The following ZNF197 variants were observed in gnomAD, a reference collection of about 807,000 sequenced individuals.
The protein encoded by ZNF197 is VHL-associated KRAB-A domain-containing protein.
A neutral mutation model predicts 27.4 loss-of-function variants in ZNF197; 14 were observed. The ratio of observed to expected loss-of-function variants is 0.51; its 90% CI spans 0.34 to 0.80. ZNF197 has a LOEUF of 0.80. Ranked by LOEUF, ZNF197 falls within the 30% of genes least tolerant of loss-of-function variation. The pLI is 0.02. For synonymous variants in ZNF197, 415 were observed against 420.0 expected, an observed-to-expected ratio of 0.99 and a Z score of 0.15; for missense variants, 1,090 against 1,222.6, an observed-to-expected ratio of 0.89 and a Z score of 1.62.
intron 5 of ZNF197, among the ~76,000 whole-genome samples, chr3:44,638,681 C>A (rs1702436812): frequency 6.6e-6 from 1 of 152,042 alleles, no homozygotes; most frequent in Admixed American, 6.6e-5. Flanking sequence ...TTCAGTCTTT[C>A]ACCATGAAAT....
intron 2 of ZNF197, 199 bp from the exon 3 acceptor site, chr3:44,630,863 A>G (rs900917183): frequency 6.8e-6 from 5 of 734,318 alleles, no homozygotes; most frequent in South Asian, 1.5e-5. Flanking sequence ...GGGAGAGGTC[A>G]CCAGTGCCAT....
At position 44,646,319 on chromosome 3, in the gene ZNF197, G is replaced by A. The variant is rs1702951976; in HGVS notation, c.*2099G>A. On this transcript the variant is annotated 3_prime_UTR_variant, in exon 6 of 6. Transcript: ENST00000344387. ...TCCCAGCTTATATAATAATTACAAA[G>A]GACATATGTACTTTAACAATGGAGA... is the stretch of plus-strand genomic sequence containing the variant. The A allele has an allele frequency of 5.1e-6, 5 of 985,336 alleles. No homozygotes were observed. The highest frequency in any genetic ancestry group is 9.4e-5 in the South Asian group (2 of 21,276). 61.0% of individuals were successfully genotyped at this position (985,336 alleles called of 1,614,324 possible).
At chr3:44,637,025 G>A (rs775264358) in intron 5 of ZNF197, among the ~76,000 whole-genome samples, 1 of 152,106 alleles carries the variant, frequency 6.6e-6, no homozygotes, top group Non-Finnish European at 1.5e-5. Context: ...TGTCTATTCA[G>A]ATTCTTTGTC....
chr3:44,627,264 T>C (rs1268232574), intron 1 of ZNF197, among the ~76,000 whole-genome samples: 4 of 152,204 alleles, frequency 2.6e-5, no homozygotes, highest in African/African-American at 2.4e-5. Flanking sequence ...AAAGCCTCTT[T>C]AATGCTGAAA....
intron 2 of ZNF197, among the ~76,000 whole-genome samples, chr3:44,630,471 C>T (rs1053477470): frequency 1.3e-5 from 2 of 152,180 alleles, no homozygotes; most frequent in African/African-American, 4.8e-5. Flanking sequence ...TGAATCATAA[C>T]TCAAACTTGG....
At chr3:44,630,951 GTC>G in intron 2 of ZNF197, 109 bp from the exon 3 acceptor site, 1 of 1,417,412 alleles carries the variant, frequency 7.1e-7, no homozygotes, top group Non-Finnish European at 9.9e-7. Context: ...CTTGAGGTGG[GTC>G]TCTCTGATCT....
intron 5 of ZNF197, among the ~76,000 whole-genome samples, chr3:44,639,217 GGTTA>G (rs1461559422): frequency 2.0e-5 from 3 of 152,070 alleles, no homozygotes; most frequent in Non-Finnish European, 4.4e-5. Flanking sequence ...TGCTAGATTT[GGTTA>G]GTTAGCATTT....
In ZNF197 at chr3:44,644,981, G is replaced by C; in HGVS notation, c.*761G>C. On this transcript the variant is annotated 3_prime_UTR_variant, in exon 6 of 6. Coordinates refer to ENST00000344387, the MANE Select transcript of ZNF197 (RefSeq NM_006991.5). ...CTGCTGTGGAAAACCTGAACAGACA[G>C]TATGATCCAGAATGTCAGGTGTGGA... 1 of 985,496 alleles carries C rather than the reference G, an allele frequency of 1.0e-6. No individual in the cohort carries two copies. Among genetic ancestry groups the C allele is most frequent in the Middle Eastern group, 5.2e-4 (1 of 1,914 alleles). The allele number at this position is 985,496 out of a possible 1,614,324, so 61.0% of individuals were successfully genotyped here. A position where few individuals can be genotyped will look rare whatever the true frequency, so the allele number is the denominator to read the frequency against.
rs528964518 is a variant in ZNF197, at chr3:44,640,350, T to A, written c.770-1550T>A. Among the ~76,000 whole-genome samples, 2 of 152,186 alleles carry A rather than the reference T, an allele frequency of 1.3e-5. No individual in the cohort carries two copies. Among genetic ancestry groups the A allele is most frequent in the Non-Finnish European group, 2.9e-5 (2 of 68,044 alleles). ...TATATAGAAGCAGCCCTCCTCTCCA[T>A]CAGCATTCTCTTTGTTTTTTGTTTG... On this transcript the variant is annotated intron_variant, in intron 5 of 5. Transcript: ENST00000344387. This position sits in a 1 kb window ranked among gnomAD's most constrained non-coding sequence, Gnocchi z 4.0.
rs1205539869 is a variant in ZNF197 at position 44,644,910 on chromosome 3, A to G, written c.*690A>G. 2 of 982,580 alleles carry G rather than the reference A, an allele frequency of 2.0e-6. No individual in the cohort carries two copies. The highest frequency in any genetic ancestry group is 6.1e-5 in the Admixed American group (1 of 16,268). 60.9% of individuals were successfully genotyped at this position (982,580 alleles called of 1,614,324 possible). ...AAAAATTTAATAATAAAAAGTGGAC[A>G]TTGTTTTTTAAAATGTGTATAGTAT... On this transcript the variant is annotated 3_prime_UTR_variant, in exon 6 of 6. Transcript: ENST00000344387.
At position 44,645,577 on chromosome 3, in the gene ZNF197, G is replaced by A; in HGVS notation, c.*1357G>A. 1 of 985,310 alleles carries A rather than the reference G, an allele frequency of 1.0e-6. No homozygotes were observed. Among genetic ancestry groups the A allele is most frequent in the Non-Finnish European group, 1.2e-6 (1 of 829,912 alleles). The allele number at this position is 985,310 out of a possible 1,614,324, so 61.0% of individuals were successfully genotyped here. A position where few individuals can be genotyped will look rare whatever the true frequency, so the allele number is the denominator to read the frequency against. On this transcript the variant is annotated 3_prime_UTR_variant, in exon 6 of 6. Coordinates refer to ENST00000344387, the MANE Select transcript of ZNF197 (RefSeq NM_006991.5). Reference sequence around the variant, plus strand: ...ATTTGAAACTTAACAGATGGAGAGTGTCAAAATGGAAGGGCAGTGGTACCC... The same window carrying A: ...ATTTGAAACTTAACAGATGGAGAGTATCAAAATGGAAGGGCAGTGGTACCC...
Position 44,642,133 on chromosome 3 carries a change from A to G in ZNF197, c.1003A>G (p.Thr335Ala). Reference protein sequence around the residue: ...SLCERDKKKRTPPEKQGQKWK... With the variant: ...SLCERDKKKRAPPEKQGQKWK... The stretch of plus-strand genomic sequence containing the variant: ...TTGTGAACGAGACAAGAAGAAAAGG[A>G]CTCCACCAGAGAAACAAGGCCAAAA... Residue 335 changes from threonine to alanine, a missense_variant, in exon 6 of 6, where the codon ACT becomes GCT. Transcript: ENST00000344387. 6.2e-7 allele frequency: 1 copy of G among 1,614,002 alleles called. No homozygotes were observed. The highest frequency in any genetic ancestry group is 1.3e-5 in the African/African-American group (1 of 74,988).
Position 44,631,692 on chromosome 3 carries a change from C to CAT in ZNF197, c.551-412_551-411insTA, listed in dbSNP as rs1491099339. 1.6e-3 allele frequency among the ~76,000 whole-genome samples: 234 copies of CAT among 150,620 alleles called. 1 individual carries two copies. Among genetic ancestry groups the CAT allele is most frequent in the African/African-American group, 5.6e-3 (230 of 41,030 alleles). On this transcript the variant is annotated intron_variant, in intron 3 of 5. Transcript: ENST00000344387. ...CTGGGATTACAGGTGTGAGCCACTG[C>CAT]ACCCGGCCATTTTTGTTTTTTTTTT...
At position 44,646,947 on chromosome 3, in the gene ZNF197, T is replaced by A. The variant is rs1358257556; in HGVS notation, c.*2727T>A. On this transcript the variant is annotated 3_prime_UTR_variant, in exon 6 of 6. Coordinates refer to ENST00000344387, the MANE Select transcript of ZNF197 (RefSeq NM_006991.5). ...TAGGACTGAGCTAAGAAGGCTCAGATGACTCAAAAGCATGCTCCTTAGAAG... is the reference window on the plus strand; with the variant it reads ...TAGGACTGAGCTAAGAAGGCTCAGAAGACTCAAAAGCATGCTCCTTAGAAG... 2.6e-5 allele frequency: 4 copies of A among 155,138 alleles called. No individual in the cohort carries two copies. Among genetic ancestry groups the A allele is most frequent in the Non-Finnish European group, 5.7e-5 (4 of 70,212 alleles). 9.6% of individuals were successfully genotyped at this position (155,138 alleles called of 1,614,324 possible).
intron 2 of ZNF197, among the ~76,000 whole-genome samples, chr3:44,630,549 G>A (rs753532756): frequency 3.9e-5 from 6 of 152,066 alleles, no homozygotes; most frequent in Admixed American, 1.3e-4. Context: ...TATATATTTC[G>A]TTACAAATTA....
chr3:44,646,370 G>A lies in ZNF197; in HGVS notation c.*2150G>A. The A allele has an allele frequency of 3.2e-6, 5 of 1,555,774 alleles. No individual in the cohort carries two copies. Among genetic ancestry groups the A allele is most frequent in the Non-Finnish European group, 4.3e-6 (5 of 1,151,710 alleles). ...ATGCTGTGATTTACCTCTTCACCGA[G>A]TAACAAAATGTCACATTGCTTAGAT... is the stretch of plus-strand genomic sequence containing the variant. On this transcript the variant is annotated 3_prime_UTR_variant, in exon 6 of 6. Coordinates refer to ENST00000344387, the MANE Select transcript of ZNF197 (RefSeq NM_006991.5).
rs566249568 is a variant in ZNF197, at chr3:44,642,363, G to A, written c.1233G>A (p.Ser411=). Residue 411 remains serine (S), a synonymous_variant, in exon 6 of 6, where the codon TCG becomes TCA. Transcript: ENST00000344387. Reference sequence around the variant, plus strand: ...GTGGAAAAGGCTTTATTCAGCGTTCGAGCCTTCTAATGCATTTACGGAACC... The same window carrying A: ...GTGGAAAAGGCTTTATTCAGCGTTCAAGCCTTCTAATGCATTTACGGAACC... The part of the protein sequence containing the change: ...KECGKGFIQR[S]SLLMHLRNHS... The A allele has an allele frequency of 1.3e-5, 21 of 1,614,032 alleles. No individual in the cohort carries two copies. The highest frequency in any genetic ancestry group is 4.5e-5 in the East Asian group (2 of 44,864).
At chr3:44,627,779 C>T (rs867753363) in intron 1 of ZNF197, among the ~76,000 whole-genome samples, 13 of 147,426 alleles carry the variant, frequency 8.8e-5, no homozygotes, top group South Asian at 6.3e-4. Context: ...TGCGCTGAGC[C>T]GAGATCATGC....
Position 44,646,927 on chromosome 3 carries a change from C to CCTG in ZNF197, c.*2707_*2708insCTG. 6.1e-6 allele frequency: 1 copy of CCTG among 163,040 alleles called. No individual in the cohort carries two copies. The highest frequency in any genetic ancestry group is 1.3e-5 in the Non-Finnish European group (1 of 75,304). The allele number at this position is 163,040 out of a possible 1,614,324, so 10.1% of individuals were successfully genotyped here. A position where few individuals can be genotyped will look rare whatever the true frequency, so the allele number is the denominator to read the frequency against. On this transcript the variant is annotated 3_prime_UTR_variant, in exon 6 of 6. Coordinates refer to ENST00000344387, the MANE Select transcript of ZNF197 (RefSeq NM_006991.5). ...AAACCAACAACTTCAGGACCTAGGA[C>CCTG]TGAGCTAAGAAGGCTCAGATGACTC... is the stretch of plus-strand genomic sequence containing the variant.
Sources: allele counts gnomAD v4.1 joint callset (sites outside exome capture counted in the v4.1 genomes callset), GRCh38; gene constraint gnomAD v4.1.1; non-coding constraint Gnocchi (gnomAD v3.1); transcripts MANE v1.5; gene names NCBI Gene and HGNC (gene_info 2026-07-23, HGNC 2026-07-21).